Variants in NOP9 observed in about 807,000 individuals in gnomAD.
The protein encoded by NOP9 is nucleolar protein 9.
A neutral mutation model predicts 63.0 loss-of-function variants in NOP9; 50 were observed. The ratio of observed to expected loss-of-function variants is 0.79; its 90% confidence interval spans 0.63 to 1.00. The LOEUF is 1.00. Ranked by LOEUF, NOP9 falls within the 50% of genes least tolerant of loss-of-function variation. NOP9 has a pLI of 0.00. For synonymous variants in NOP9, 343 were observed against 332.8 expected (o/e 1.03, Z -0.33); for missense variants, 758 against 803.0 (o/e 0.94, Z 0.68).
chr14:24,288,957 G>A, the NOP9 span, among the ~76,000 whole-genome samples: 308 of 151,824 alleles, frequency 2.0e-3, 3 homozygotes, highest in East Asian at 0.041. Flanking sequence ...GGGACCACAG[G>A]TGCATTCCAC....
upstream of NOP9, among the ~76,000 whole-genome samples, chr14:24,297,144 A>G (rs543174671): frequency 1.3e-5 from 2 of 152,368 alleles, no homozygotes; most frequent in South Asian, 4.1e-4. Context: ...CACCATGTGC[A>G]CAGCATTGTA....
At chr14:24,302,786 C>A (rs902614617) in intron 5 of NOP9, among the ~76,000 whole-genome samples, 1 of 152,156 alleles carries the variant, frequency 6.6e-6, no homozygotes, top group Non-Finnish European at 1.5e-5. Flanking sequence ...CCTGTGGTCT[C>A]ATGCATTGGG....
chr14:24,291,456 T>C, the NOP9 span: 39 of 1,321,064 alleles, frequency 3.0e-5, no homozygotes, highest in Non-Finnish European at 4.0e-5. Context: ...AAGAATGACA[T>C]GTTCCTCAAC....
chr14:24,303,276 T>C, intron 6 of NOP9, 62 bp downstream of exon 6: 4 of 1,599,776 alleles, frequency 2.5e-6, no homozygotes, highest in Non-Finnish European at 3.4e-6. Context: ...TTTTAGGACT[T>C]ATCTAATCTT....
chr14:24,293,835 T>C, the NOP9 span: 1 of 151,644 alleles, frequency 6.6e-6, no homozygotes, highest in African/African-American at 2.4e-5. Flanking sequence ...AAAAATAAAA[T>C]AAAATAAATT....
Position 24,307,010 on chromosome 14 carries a change from T to C in NOP9, c.*1915T>C, listed in dbSNP as rs1044953013. On this transcript the variant is annotated 3_prime_UTR_variant, in exon 10 of 10. Coordinates refer to ENST00000267425, the MANE Select transcript of NOP9 (RefSeq NM_174913.3). Reference sequence around the variant, plus strand: ...GTGATGTATTATTATTGCCTTTTTATAGTTGAAGAAACTGAGGTTTTGGTA... The same window carrying C: ...GTGATGTATTATTATTGCCTTTTTACAGTTGAAGAAACTGAGGTTTTGGTA... 4.0e-6 allele frequency: 1 copy of C among 252,032 alleles called. No individual in the cohort carries two copies. Among genetic ancestry groups the C allele is most frequent in the African/African-American group, 2.2e-5 (1 of 44,836 alleles). The allele number at this position is 252,032 out of a possible 1,614,324, so 15.6% of individuals were successfully genotyped here.
At chr14:24,286,825 C>T in the NOP9 span, among the ~76,000 whole-genome samples, 5 of 151,846 alleles carry the variant, frequency 3.3e-5, no homozygotes, top group African/African-American at 1.2e-4. Flanking sequence ...ATCTCCTGAC[C>T]TCGTGATCCG....
rs1240700122 is a variant in NOP9, at chr14:24,305,177, G to C, written c.*82G>C. The C allele has an allele frequency of 3.1e-6, 4 of 1,286,534 alleles. No homozygotes were observed. The highest frequency in any genetic ancestry group is 4.1e-6 in the Non-Finnish European group (4 of 980,134). The allele number at this position is 1,286,534 out of a possible 1,614,324, so 79.7% of individuals were successfully genotyped here. A position where few individuals can be genotyped will look rare whatever the true frequency, so the allele number is the denominator to read the frequency against. ...CATCCCTTTCCTGGTTTAAATTGGA[G>C]TCAGAAGTCTTAGTGGTAAATATTT... On this transcript the variant is annotated 3_prime_UTR_variant, in exon 10 of 10. Transcript: ENST00000267425.
rs772727016 is a variant in NOP9 at position 24,308,328 on chromosome 14, A to G, written c.*3233A>G. ...GCTTTAGGAAAAGGGAACCCGGGGC[A>G]GAGTGTGGGGAAGTGGGATGGCAGC... On this transcript the variant is annotated 3_prime_UTR_variant, in exon 10 of 10. Transcript: ENST00000267425. The G allele has an allele frequency of 6.6e-5, 15 of 226,922 alleles. No individual in the cohort carries two copies. The highest frequency in any genetic ancestry group is 1.2e-4 in the Non-Finnish European group (14 of 112,350). The allele number at this position is 226,922 out of a possible 1,614,324, so 14.1% of individuals were successfully genotyped here.
Position 24,306,042 on chromosome 14 carries a change from T to G in NOP9, c.*947T>G. The G allele has an allele frequency of 6.2e-7, 1 of 1,614,204 alleles. No homozygotes were observed. The highest frequency in any genetic ancestry group is 8.5e-7 in the Non-Finnish European group (1 of 1,180,036). On this transcript the variant is annotated 3_prime_UTR_variant, in exon 10 of 10. Coordinates refer to ENST00000267425, the MANE Select transcript of NOP9 (RefSeq NM_174913.3). ...TGACATTCAGGCTGCCAAAGAGGTC[T>G]CGAGGGTTTTGCTTGTACACGTCAA...
Position 24,301,894 on chromosome 14 carries a change from C to T in NOP9, c.809-71C>T, listed in dbSNP as rs970277966. The T allele has an allele frequency of 2.6e-6, 4 of 1,539,080 alleles. No homozygotes were observed. In the African/African-American group the frequency reaches 5.5e-5, roughly 21 times the overall value. On this transcript the variant is annotated intron_variant, in intron 3 of 9. Coordinates refer to ENST00000267425, the MANE Select transcript of NOP9 (RefSeq NM_174913.3). ...GTCCATAGTGCCCTGTATCTTGTTG[C>T]CTAAAGTTTGAGGTTACGCAGGTTG... is the stretch of plus-strand genomic sequence containing the variant.
Position 24,306,196 on chromosome 14 carries a change from C to T in NOP9, c.*1101C>T. On this transcript the variant is annotated 3_prime_UTR_variant, in exon 10 of 10. Transcript: ENST00000267425. ...CATACCAGACACCCACCACTAATCT[C>T]CATCAGCACTGGGTCAGACCCTCCC... 6.4e-7 allele frequency: 1 copy of T among 1,567,768 alleles called. No homozygotes were observed. The highest frequency in any genetic ancestry group is 8.7e-7 in the Non-Finnish European group (1 of 1,145,494).
At chr14:24,295,176 A>G (rs1251058975), upstream of NOP9, among the ~76,000 whole-genome samples, 3 of 152,222 alleles carry the variant, frequency 2.0e-5, no homozygotes, top group East Asian at 5.8e-4. Context: ...TACAAGTATT[A>G]AAAAGAATGA....
the NOP9 span, among the ~76,000 whole-genome samples, chr14:24,272,799 T>G: frequency 6.6e-6 from 1 of 152,228 alleles, no homozygotes; most frequent in Non-Finnish European, 1.5e-5. Context: ...CCTAAATATG[T>G]TAGCCTGTTC....
At chr14:24,282,920 T>TA in the NOP9 span, among the ~76,000 whole-genome samples, 1 of 147,152 alleles carries the variant, frequency 6.8e-6, no homozygotes, top group African/African-American at 2.5e-5. Context: ...CTGAGGAAAC[T>TA]ATTCGCCCCC....
In NOP9 at chr14:24,303,161, G is replaced by A. The variant is rs1219395067; in HGVS notation, c.1231G>A (p.Ala411Thr). ...AGGGGTAGTCATTGCCCTGGTGGGGGCCTGTCGCAGAGTTGGGGCCTACCA... is the reference window on the plus strand; with the variant it reads ...AGGGGTAGTCATTGCCCTGGTGGGGACCTGTCGCAGAGTTGGGGCCTACCA... ...HPGVVIALVGACRRVGAYQAK... is the reference protein window; with the variant it reads ...HPGVVIALVGTCRRVGAYQAK... Residue 411 changes from alanine (A) to threonine (T), a missense_variant, in exon 6 of 10, where the codon GCC (alanine) becomes ACC (threonine). By Grantham distance (58) the Ala-to-Thr change is moderately conservative (BLOSUM62 0). Coordinates refer to ENST00000267425, the MANE Select transcript of NOP9 (RefSeq NM_174913.3). 2 of 1,613,938 alleles carry A rather than the reference G, an allele frequency of 1.2e-6. No homozygotes were observed. The highest frequency in any genetic ancestry group is 1.7e-6 in the Non-Finnish European group (2 of 1,179,964).
the NOP9 span, among the ~76,000 whole-genome samples, chr14:24,273,989 A>G: frequency 6.6e-6 from 1 of 152,238 alleles, no homozygotes; most frequent in African/African-American, 2.4e-5. Context: ...TAGTGTCTGT[A>G]CTAAGTAAGG....
Position 24,305,861 on chromosome 14 carries a change from A to T in NOP9, c.*766A>T. ...GAGGACTTTCCACAAGCAAGAGCTA[A>T]CTAGGGGTAGGTGGGTGCAAGAGGA... is the stretch of plus-strand genomic sequence containing the variant. On this transcript the variant is annotated 3_prime_UTR_variant, in exon 10 of 10. Coordinates refer to ENST00000267425, the MANE Select transcript of NOP9 (RefSeq NM_174913.3). 1 of 1,584,006 alleles carries T rather than the reference A, an allele frequency of 6.3e-7. No individual in the cohort carries two copies. The highest frequency in any genetic ancestry group is 1.2e-5 in the South Asian group (1 of 86,180).
At chr14:24,271,692 A>C in the NOP9 span, 1 of 152,368 alleles carries the variant, frequency 6.6e-6, no homozygotes, top group African/African-American at 2.4e-5. Flanking sequence ...CGTACCTGTT[A>C]GCCACCTGGT....
Sources: gnomAD v4.1 joint callset for allele counts (sites outside exome capture counted in the v4.1 genomes callset) on GRCh38, gnomAD v4.1.1 for gene constraint, MANE v1.5 for transcripts, NCBI Gene and HGNC (gene_info 2026-07-23, HGNC 2026-07-21) for gene names.